RIF1: variants seen among roughly 807,000 people sequenced by gnomAD.
RIF1 encodes replication timing regulatory factor 1.
RIF1 carries 45 observed loss-of-function variants against 247.1 expected under a neutral mutation model. The observed-to-expected ratio is 0.18, with a 90% CI of 0.14 to 0.23. The LOEUF is 0.23. RIF1 is among the 10% of genes least tolerant of loss of function. RIF1 has a pLI of 1.00. For missense variants in RIF1, 2,967 were observed against 2,862.5 expected (o/e 1.04, Z -0.83); for synonymous variants, 1,087 against 978.8 (o/e 1.11, Z -2.06).
At chr2:151,531,901 A>T in the RIF1 span, 8 of 1,568,686 alleles carry the variant, frequency 5.1e-6, no homozygotes, top group Non-Finnish European at 7.0e-6. Context: ...TTTGATCTAA[A>T]TTGTGGAAGA....
the RIF1 span, chr2:151,524,548 C>G: frequency 3.9e-5 from 63 of 1,599,212 alleles, no homozygotes; most frequent in South Asian, 6.5e-4. Context: ...GTGTGGCCTT[C>G]TTGATGTCTG....
chr2:151,484,276 C>T (rs541402932), downstream of RIF1, among the ~76,000 whole-genome samples: 6 of 152,050 alleles, frequency 3.9e-5, no homozygotes, highest in South Asian at 2.1e-4. Flanking sequence ...CTTGGCAAAC[C>T]GATAAAGTAA....
chr2:151,430,211 C>T (rs1408213067), intron 9 of RIF1, among the ~76,000 whole-genome samples: 11 of 151,802 alleles, frequency 7.2e-5, no homozygotes, highest in African/African-American at 2.7e-4. Context: ...TTAGTAGAGA[C>T]GGGGTTTCAC....
In RIF1 at chr2:151,468,053, C is replaced by T. The variant is rs1160014799; in HGVS notation, c.6654C>T (p.Asp2218=). The T allele has an allele frequency of 6.2e-7, 1 of 1,613,720 alleles. No homozygotes were observed. The highest frequency in any genetic ancestry group is 1.7e-5 in the Admixed American group (1 of 59,980). ...DPIYQAGLAD[D]IDRRCSIVRS... ...TATACCAAGCAGGATTGGCAGATGA[C>T]ATTGATAGACGGTGCTCTATTGTTA... Residue 2218 remains aspartate, a synonymous_variant, in exon 31 of 36, where the codon GAC becomes GAT. Coordinates refer to ENST00000444746, the MANE Select transcript of RIF1 (RefSeq NM_018151.5).
rs1696533574 is a variant in RIF1, at chr2:151,463,788, A to T, written c.4268A>T (p.Glu1423Val). The T allele has an allele frequency of 1.2e-6, 2 of 1,613,758 alleles. No individual in the cohort carries two copies. Among genetic ancestry groups the T allele is most frequent in the African/African-American group, 1.3e-5 (1 of 74,926 alleles). Residue 1423 changes from glutamate to valine, a missense_variant, in exon 30 of 36, where the codon GAA becomes GTA. This residue lies in a region of RIF1 where 2,028 missense variants were observed against 1,825.6 expected (regional missense o/e 1.11). Coordinates refer to ENST00000444746, the MANE Select transcript of RIF1 (RefSeq NM_018151.5). ...TLRRSSRRRS[E>V]VVESTTESQD... The stretch of plus-strand genomic sequence containing the variant: ...AGACGGTCTTCAAGGCGACGTTCAG[A>T]AGTAGTAGAGTCTACCACTGAAAGC...
rs963196890 is a variant in RIF1, at chr2:151,457,704, T to C, written c.2653-57T>C. The C allele has an allele frequency of 5.4e-6, 7 of 1,303,372 alleles. No homozygotes were observed. In the African/African-American group the frequency reaches 7.4e-5, roughly 14 times the overall value. 80.7% of individuals were successfully genotyped at this position (1,303,372 alleles called of 1,614,324 possible). ...TTTTAAAAATTGAAATAGCAACATATATTCTGTGAGTTAATATTTAGTATA... is the reference window on the plus strand; with the variant it reads ...TTTTAAAAATTGAAATAGCAACATACATTCTGTGAGTTAATATTTAGTATA... On this transcript the variant is annotated intron_variant, in intron 23 of 35. Transcript: ENST00000444746.
At chr2:151,472,016 T>TC (rs1435264177) in intron 34 of RIF1, among the ~76,000 whole-genome samples, 1 of 152,220 alleles carries the variant, frequency 6.6e-6, no homozygotes, top group African/African-American at 2.4e-5. Flanking sequence ...GGAATGTTCT[T>TC]CCATTTGTTT....
rs546195012 is a variant in RIF1, at chr2:151,468,898, T to A, written c.6941+142T>A. 3.9e-5 allele frequency: 26 copies of A among 661,702 alleles called. No homozygotes were observed. The African/African-American group carries it at 4.5e-4, about 12-fold the overall frequency. 41.0% of individuals were successfully genotyped at this position (661,702 alleles called of 1,614,324 possible). On this transcript the variant is annotated intron_variant, in intron 33 of 35. Coordinates refer to ENST00000444746, the MANE Select transcript of RIF1 (RefSeq NM_018151.5). ...TTTATTTTTGAAATAAAAATGCAAC[T>A]GAGAAGGTAGGCCAGATAAGGCAAT... is the stretch of plus-strand genomic sequence containing the variant.
rs2444257 is a variant in RIF1, at chr2:151,465,581, A to T, written c.6061A>T (p.Asn2021Tyr). The change falls in exon 30 of 36, where the codon AAT becomes TAT. Residue 2021 changes from asparagine to tyrosine, a missense_variant. Around this residue, in one of 7 missense-constraint regions of RIF1, gnomAD observed 2,028 missense variants for 1,825.6 expected, o/e 1.11. Coordinates refer to ENST00000444746, the MANE Select transcript of RIF1 (RefSeq NM_018151.5). ...SEETNTKMKNNEEMMIGEAMA... is the reference protein window; with the variant it reads ...SEETNTKMKNYEEMMIGEAMA... ...AGAAACGAATACCAAAATGAAAAAT[A>T]ATGAAGAAATGATGATCGGCGAGGC... 0.72 allele frequency: 1,160,698 copies of T among 1,613,404 alleles called. 420,445 individuals are homozygous for T. The highest frequency in any genetic ancestry group is 0.8 in the East Asian group (35,723 of 44,862).
At chr2:151,527,443 G>C in the RIF1 span, 6 of 1,377,726 alleles carry the variant, frequency 4.4e-6, no homozygotes, top group Admixed American at 7.1e-5. Context: ...CTCAGGTGCA[G>C]TATGCAGTTA....
chr2:151,438,247 A>G (rs1691611380), intron 13 of RIF1, among the ~76,000 whole-genome samples: 1 of 152,182 alleles, frequency 6.6e-6, no homozygotes, highest in Non-Finnish European at 1.5e-5. Flanking sequence ...GGAGAGGCTA[A>G]GGTGGGAGGT....
chr2:151,490,181 A>T, intron 9 of RIF1: 1 of 1,198,966 alleles, frequency 8.3e-7, no homozygotes, highest in Admixed American at 2.3e-5. Context: ...ACTTAGAATG[A>T]TTTCCAAAAA....
chr2:151,454,770 G>A, intron 21 of RIF1, 125 bp from the exon 22 acceptor site: 2 of 631,958 alleles, frequency 3.2e-6, no homozygotes, highest in African/African-American at 3.7e-5. Flanking sequence ...TGGGGTGTCA[G>A]TCAGCAAACG....
chr2:151,491,701 T>C lies in RIF1; in HGVS notation c.*416-3528T>C, dbSNP rs1559129941. 1 of 1,595,588 alleles carries C rather than the reference T, an allele frequency of 6.3e-7. No homozygotes were observed. Among genetic ancestry groups the C allele is most frequent in the Non-Finnish European group, 8.5e-7 (1 of 1,170,300 alleles). On this transcript the variant is annotated intron_variant and NMD_transcript_variant, in intron 9 of 13. Coordinates refer to the RIF1 transcript ENST00000454583. Reference sequence around the variant, plus strand: ...AACACACCATTAATCATGTGTAAGCTTCGGGACTGGATGTTGTCTTCTGCT... The same window carrying C: ...AACACACCATTAATCATGTGTAAGCCTCGGGACTGGATGTTGTCTTCTGCT...
chr2:151,492,880 G>A (rs3771900), intron 9 of RIF1: 115,527 of 177,786 alleles, frequency 0.65, 38,066 homozygotes, highest in East Asian at 0.77. Flanking sequence ...TCCTTAGGTT[G>A]TGTCCAGACT....
rs781567339 is a variant in RIF1 at position 151,441,962 on chromosome 2, T to C, written c.1705T>C (p.Tyr569His). ...TCAGAAAGTATTAGGTTCACCAGCA[T>C]ATCAGGTTGCTAATATGGATATTCT... ...LPQKVLGSPA[Y>H]QVANMDILNG... Residue 569 changes from tyrosine to histidine, a missense_variant, in exon 16 of 36, where the codon TAT (tyrosine) becomes CAT (histidine). Around this residue, in one of 7 missense-constraint regions of RIF1, gnomAD observed 369 missense variants for 322.0 expected, o/e 1.15. Coordinates refer to ENST00000444746, the MANE Select transcript of RIF1 (RefSeq NM_018151.5). The C allele has an allele frequency of 6.4e-7, 1 of 1,560,000 alleles. No homozygotes were observed.
At chr2:151,417,406 C>A (rs1687390724) in intron 6 of RIF1, among the ~76,000 whole-genome samples, 1 of 152,162 alleles carries the variant, frequency 6.6e-6, no homozygotes, top group South Asian at 2.1e-4. Context: ...AACTTCCCCA[C>A]TGTTGAATGC....
downstream of RIF1, chr2:151,485,955 G>C (rs753378567): frequency 6.2e-7 from 1 of 1,611,316 alleles, no homozygotes. Flanking sequence ...GATGGAAAAG[G>C]GGAAATATTA....
intron 9 of RIF1, chr2:151,492,223 T>G: frequency 6.2e-7 from 1 of 1,613,916 alleles, no homozygotes; most frequent in Non-Finnish European, 8.5e-7. Flanking sequence ...AGTGATAGGA[T>G]CTGTCACCAC....
Sources: gnomAD v4.1 joint callset for allele counts (sites outside exome capture counted in the v4.1 genomes callset) on GRCh38, gnomAD v4.1.1 for gene constraint, gnomAD v4.1.1 regional missense constraint, MANE v1.5 for transcripts, NCBI Gene and HGNC (gene_info 2026-07-23, HGNC 2026-07-21) for gene names.